Variants in ABLIM1 observed in about 807,000 individuals in gnomAD.
ABLIM1 encodes the protein actin binding LIM protein 1.
Under a neutral mutation model 107.0 loss-of-function variants are expected in ABLIM1, and 40 were observed. The observed-to-expected ratio is 0.37, with a 90% CI of 0.29 to 0.49. The LOEUF is 0.49. Among genes scored for constraint, ABLIM1 ranks in the 20% least tolerant of loss-of-function variants. The pLI is 0.97. For synonymous variants in ABLIM1, 357 were observed against 357.3 expected (o/e 1.00, Z 0.01); for missense variants, 857 against 1,008.5 (o/e 0.85, Z 2.04).
intron 1 of ABLIM1, chr10:114,632,094 C>G (rs374881199): frequency 1.0e-6 from 1 of 985,246 alleles, no homozygotes; most frequent in East Asian, 1.1e-4. Context: ...CGGCGGGCCC[C>G]GCTCCCATGC....
intron 8 of ABLIM1, among the ~76,000 whole-genome samples, chr10:114,487,117 A>G (rs531641993): frequency 6.6e-6 from 1 of 152,308 alleles, no homozygotes; most frequent in South Asian, 2.1e-4. Context: ...GATTGCATAC[A>G]TAGCTTCTGA....
At chr10:114,503,492 G>A (rs1244069806) in intron 6 of ABLIM1, among the ~76,000 whole-genome samples, 1 of 152,020 alleles carries the variant, frequency 6.6e-6, no homozygotes, top group African/African-American at 2.4e-5. Context: ...GAATAGTGTT[G>A]CTATGAAAAT....
At chr10:114,651,198 AT>A (rs2079223562) in intron 1 of ABLIM1, among the ~76,000 whole-genome samples, 1 of 152,200 alleles carries the variant, frequency 6.6e-6, no homozygotes, top group Admixed American at 6.5e-5. Context: ...ACATTCACTC[AT>A]TCATTTACTC....
intron 1 of ABLIM1, among the ~76,000 whole-genome samples, chr10:114,645,854 CA>C (rs138561756): frequency 0.021 from 3,242 of 152,226 alleles, 101 homozygotes; most frequent in African/African-American, 0.074. Flanking sequence ...ATGTTTTAGG[CA>C]GAAGGATGTG....
chr10:114,725,689 C>G (rs1474260000), intron 1 of ABLIM1, among the ~76,000 whole-genome samples: 1 of 150,774 alleles, frequency 6.6e-6, no homozygotes, highest in East Asian at 1.9e-4. Flanking sequence ...GCGGTTTCTA[C>G]CGTTCACTAT....
chr10:114,617,894 G>A (rs377456188), intron 1 of ABLIM1, among the ~76,000 whole-genome samples: 12 of 152,042 alleles, frequency 7.9e-5, no homozygotes, highest in African/African-American at 9.7e-5. Flanking sequence ...CAGTAGGATC[G>A]CTTGAGCTCA....
intron 1 of ABLIM1, among the ~76,000 whole-genome samples, chr10:114,752,344 C>T (rs2082533732): frequency 1.3e-5 from 2 of 152,182 alleles, no homozygotes; most frequent in Middle Eastern, 3.4e-3. Flanking sequence ...ACGTACTGTC[C>T]CCTGTTGAGT....
chr10:114,514,968 C>T (rs2062577856), intron 6 of ABLIM1, among the ~76,000 whole-genome samples: 1 of 152,212 alleles, frequency 6.6e-6, no homozygotes, highest in Non-Finnish European at 1.5e-5. Context: ...AATGCAAATG[C>T]ACTGACCTTC....
At chr10:114,782,616 A>G in the ABLIM1 span, among the ~76,000 whole-genome samples, 2 of 152,150 alleles carry the variant, frequency 1.3e-5, no homozygotes, top group African/African-American at 2.4e-5. Flanking sequence ...AAATGTAATG[A>G]AAGATCATTT....
the ABLIM1 span, among the ~76,000 whole-genome samples, chr10:114,788,485 T>C: frequency 4.2e-3 from 622 of 149,876 alleles, 7 homozygotes; most frequent in African/African-American, 0.014. Flanking sequence ...CCCAGCACTT[T>C]TGGAAGCTGA....
intron 1 of ABLIM1, among the ~76,000 whole-genome samples, chr10:114,717,027 G>A (rs1337121549): frequency 1.4e-5 from 2 of 147,942 alleles, no homozygotes; most frequent in East Asian, 3.9e-4. Flanking sequence ...TGATGCCAAA[G>A]CATCATGGTA....
At chr10:114,437,969 T>A (rs773044810) in intron 21 of ABLIM1, 45 bp from the exon 22 acceptor site, 45 of 1,557,590 alleles carry the variant, frequency 2.9e-5, no homozygotes, top group Non-Finnish European at 3.6e-5. Context: ...ACAGTCCATT[T>A]TATTAACAAG....
At chr10:114,669,112 G>C (rs1488065287) in intron 1 of ABLIM1, among the ~76,000 whole-genome samples, 1 of 152,096 alleles carries the variant, frequency 6.6e-6, no homozygotes, top group East Asian at 1.9e-4. Context: ...GCCCATCTAG[G>C]CTCAAATTTA....
chr10:114,599,383 G>A (rs1386349865), intron 2 of ABLIM1, among the ~76,000 whole-genome samples: 1 of 152,126 alleles, frequency 6.6e-6, no homozygotes, highest in African/African-American at 2.4e-5. Flanking sequence ...CACCCCACAG[G>A]GGATAAATGA....
chr10:114,728,369 A>G (rs1227420398), intron 1 of ABLIM1, among the ~76,000 whole-genome samples: 2 of 152,142 alleles, frequency 1.3e-5, no homozygotes, highest in Non-Finnish European at 2.9e-5. Flanking sequence ...CTCTCTGTTT[A>G]TGCACGCTGC....
At chr10:114,681,622 A>T (rs1439645389) in intron 1 of ABLIM1, among the ~76,000 whole-genome samples, 1 of 152,204 alleles carries the variant, frequency 6.6e-6, no homozygotes, top group Non-Finnish European at 1.5e-5. Flanking sequence ...CGCCACTTCA[A>T]TTCACATGAC....
In ABLIM1 at chr10:114,453,496, G is replaced by A; in HGVS notation, c.1442-13C>T. ...GACGGCTCATTGCCTCCAATGAGAA[G>A]AATGGAAAAAACAAAATGAGAGAAG... is the stretch of plus-strand genomic sequence containing the variant. On this transcript the variant is annotated splice_polypyrimidine_tract_variant and intron_variant, in intron 12 of 22. Coordinates refer to ENST00000533213, the MANE Select transcript of ABLIM1 (RefSeq NM_002313.7). The A allele has an allele frequency of 1.3e-6, 2 of 1,513,052 alleles. No homozygotes were observed. Among genetic ancestry groups the A allele is most frequent in the South Asian group, 1.3e-5 (1 of 77,452 alleles). 93.7% of individuals were successfully genotyped at this position (1,513,052 alleles called of 1,614,324 possible).
chr10:114,501,687 T>C (rs575967778), intron 6 of ABLIM1, among the ~76,000 whole-genome samples: 1 of 152,324 alleles, frequency 6.6e-6, no homozygotes, highest in Non-Finnish European at 1.5e-5. Context: ...GCAGACTTTG[T>C]TAGAGCAGTT....
intron 2 of ABLIM1, among the ~76,000 whole-genome samples, chr10:114,589,646 G>A (rs1301442353): frequency 2.0e-5 from 3 of 152,018 alleles, no homozygotes; most frequent in African/African-American, 7.3e-5. Context: ...GGGCTCACTT[G>A]ATCCTCCTGC....
Sources: allele counts gnomAD v4.1 joint callset (sites outside exome capture counted in the v4.1 genomes callset), GRCh38; gene constraint gnomAD v4.1.1; transcripts MANE v1.5; gene names NCBI Gene and HGNC (gene_info 2026-07-23, HGNC 2026-07-21).